The following SF1 variants were observed in gnomAD, a reference collection of about 807,000 sequenced individuals.
SF1 encodes the protein splicing factor 1, also known as branch point-binding protein.
In SF1, 7 loss-of-function variants were observed where a neutral mutation model predicts 62.5. The ratio of observed to expected loss-of-function variants is 0.11; its 90% CI spans 0.06 to 0.21. The LOEUF (loss-of-function observed/expected upper bound fraction) is 0.21. Among genes scored for constraint, SF1 ranks in the 10% least tolerant of loss-of-function variants. The pLI is 1.00. For missense variants in SF1, 578 were observed against 884.0 expected (o/e 0.65, Z 4.39); for synonymous variants, 394 against 323.6 (o/e 1.22, Z -2.33).
At chr11:64,774,662 A>G (rs1938865872) in intron 2 of SF1, among the ~76,000 whole-genome samples, 2 of 152,172 alleles carry the variant, frequency 1.3e-5, no homozygotes, top group Non-Finnish European at 2.9e-5. Flanking sequence ...ACCCATTATT[A>G]TCGAAAGAAA....
chr11:64,767,487 G>C, intron 10 of SF1, 84 bp downstream of exon 10: 1 of 1,387,592 alleles, frequency 7.2e-7, no homozygotes, highest in South Asian at 1.4e-5. Context: ...AGCCACTTGA[G>C]AGCTGCTTCT....
chr11:64,767,838 T>G lies in SF1; in HGVS notation c.1075A>C (p.Met359Leu). 6.8e-6 allele frequency: 11 copies of G among 1,610,956 alleles called. No individual in the cohort carries two copies. Among genetic ancestry groups the G allele is most frequent in the African/African-American group, 1.3e-5 (1 of 74,828 alleles). ...PANNPPPPSL[M>L]STTQSRPPWM... The stretch of plus-strand genomic sequence containing the variant: ...GGTGGGCGGCTCTGGGTGGTAGACA[T>G]GAGAGACTACGTGAGAGCATTTCCT... The change falls in exon 10 of 13, where the codon ATG (methionine) becomes CTG (leucine). Residue 359 changes from methionine (M) to leucine (L), a missense_variant. Physicochemically the swap from Met to Leu is conservative, Grantham distance 15 (BLOSUM62 2). This residue lies in a region of SF1 where 410 missense variants were observed against 452.4 expected (regional missense o/e 0.91). Coordinates refer to ENST00000377390, the MANE Select transcript of SF1 (RefSeq NM_004630.4).
intron 4 of SF1, 88 bp downstream of exon 4, chr11:64,770,168 G>A (rs965670594): frequency 1.3e-6 from 2 of 1,560,880 alleles, no homozygotes; most frequent in Non-Finnish European, 1.8e-6. Context: ...GAGGCAAGAG[G>A]TGAGTAGTAC....
intron 5 of SF1, 128 bp downstream of exon 5, chr11:64,769,836 T>C: frequency 1.2e-6 from 1 of 807,972 alleles, no homozygotes; most frequent in East Asian, 2.6e-5. Context: ...AAGGCATTAA[T>C]TCAGCCAAAA....
Position 64,768,099 on chromosome 11 carries a change from G to A in SF1, c.1068+7C>T. On this transcript the variant is annotated splice_region_variant and intron_variant, in intron 9 of 12. Coordinates refer to ENST00000377390, the MANE Select transcript of SF1 (RefSeq NM_004630.4). ...GCCAGACCAAGAGAGCCAGCCCCCA[G>A]GCTCACCGGTGGAGGTGGGTTGTTG... 2 of 1,605,816 alleles carry A rather than the reference G, an allele frequency of 1.2e-6. No homozygotes were observed. The highest frequency in any genetic ancestry group is 1.7e-6 in the Non-Finnish European group (2 of 1,175,972).
chr11:64,765,582 A>C lies in SF1; in HGVS notation c.*236T>G, dbSNP rs1376424226. On this transcript the variant is annotated 3_prime_UTR_variant, in exon 13 of 13. Transcript: ENST00000377390. ...TGAGGAGAGAAAGAAGACAAAGAAG[A>C]CACTCGATGCTACGGGGCGCCAGGA... is the stretch of plus-strand genomic sequence containing the variant. 1 of 1,541,852 alleles carries C rather than the reference A, an allele frequency of 6.5e-7. No individual in the cohort carries two copies. Among genetic ancestry groups the C allele is most frequent in the Non-Finnish European group, 8.7e-7 (1 of 1,149,222 alleles).
At position 64,766,942 on chromosome 11, in the gene SF1, T is replaced by C. The variant is rs759143573; in HGVS notation, c.1540A>G (p.Ser514Gly). ...QQQPPPPPPP[S>G]SSMASSTPLP... ...GGGGTACTGGAAGCCATACTGCTGCTGGGCGGAGGGGGTGGCGGAGGCTGC... is the reference window on the plus strand; with the variant it reads ...GGGGTACTGGAAGCCATACTGCTGCCGGGCGGAGGGGGTGGCGGAGGCTGC... Residue 514 changes from serine to glycine, a missense_variant, in exon 12 of 13, where the codon AGC becomes GGC. Around this residue, in one of 7 missense-constraint regions of SF1, gnomAD observed 410 missense variants for 452.4 expected, o/e 0.91. Coordinates refer to ENST00000377390, the MANE Select transcript of SF1 (RefSeq NM_004630.4). 4 of 1,435,374 alleles carry C rather than the reference T, an allele frequency of 2.8e-6. No individual in the cohort carries two copies. Among genetic ancestry groups the C allele is most frequent in the Non-Finnish European group, 3.7e-6 (4 of 1,086,490 alleles). 88.9% of individuals were successfully genotyped at this position (1,435,374 alleles called of 1,614,324 possible). A position where few individuals can be genotyped will look rare whatever the true frequency, so the allele number is the denominator to read the frequency against.
chr11:64,766,464 G>C (rs987198227), intron 12 of SF1: 2 of 483,776 alleles, frequency 4.1e-6, no homozygotes, highest in Non-Finnish European at 7.3e-6. Flanking sequence ...CGCCACCACC[G>C]AACGGCACAT....
intron 12 of SF1, 34 bp from the exon 13 acceptor site, chr11:64,766,189 C>CG: frequency 1.9e-6 from 3 of 1,577,526 alleles, no homozygotes; most frequent in Non-Finnish European, 2.6e-6. Flanking sequence ...GTCACACGCG[C>CG]GGGGGCACAC....
At position 64,766,143 on chromosome 11, in the gene SF1, G is replaced by A. The variant is rs1592441862; in HGVS notation, c.1595C>T (p.Thr532Ile). 1.2e-6 allele frequency: 2 copies of A among 1,605,738 alleles called. No individual in the cohort carries two copies. Among genetic ancestry groups the A allele is most frequent in the Non-Finnish European group, 1.7e-6 (2 of 1,179,682 alleles). The change falls in exon 13 of 13, where the codon ACC becomes ATC. Residue 532 changes from threonine (T) to isoleucine (I), a missense_variant. Transcript: ENST00000377390. ...PLPWQQNTTTTTTSAGTGSIP... is the reference protein window; with the variant it reads ...PLPWQQNTTTITTSAGTGSIP... ...GGACCCTGTGCCAGCGCTCGTGGTGGTAGTCGTCGTATCTGGGGTGGTAAA... is the reference window on the plus strand; with the variant it reads ...GGACCCTGTGCCAGCGCTCGTGGTGATAGTCGTCGTATCTGGGGTGGTAAA...
chr11:64,771,177 G>A (rs532984017), intron 3 of SF1, among the ~76,000 whole-genome samples: 1 of 152,348 alleles, frequency 6.6e-6, no homozygotes, highest in South Asian at 2.1e-4. Flanking sequence ...TTCTCCACCA[G>A]AGTTTACAAG....
In SF1 at chr11:64,776,595, G is replaced by C; in HGVS notation, c.63C>G (p.Arg21=). The C allele has an allele frequency of 1.9e-6, 3 of 1,595,032 alleles. No individual in the cohort carries two copies. Among genetic ancestry groups the C allele is most frequent in the Non-Finnish European group, 2.6e-6 (3 of 1,174,014 alleles). ...TCTGTTCCATTGTGTCTTGGTTCCA[G>C]CGGCTCCTCTTCCGCTTCTTACTTG... ...DFPSKKRKRS[R]WNQDTMEQKT... Residue 21 remains arginine, a synonymous_variant, in exon 2 of 13, where the codon CGC becomes CGG. Coordinates refer to ENST00000377390, the MANE Select transcript of SF1 (RefSeq NM_004630.4).
intron 10 of SF1, 33 bp downstream of exon 10, chr11:64,767,538 G>A: frequency 6.6e-7 from 1 of 1,521,862 alleles, no homozygotes; most frequent in Non-Finnish European, 8.8e-7. Context: ...TTATCCCAAA[G>A]CCCCCAAGGT....
In SF1 at chr11:64,765,249, CAGA is replaced by C. The variant is rs930629361; in HGVS notation, c.*566_*568del. The C allele has an allele frequency of 4.1e-6, 2 of 488,310 alleles. No homozygotes were observed. 30.2% of individuals were successfully genotyped at this position (488,310 alleles called of 1,614,324 possible). On this transcript the variant is annotated 3_prime_UTR_variant, in exon 13 of 13. Coordinates refer to ENST00000377390, the MANE Select transcript of SF1 (RefSeq NM_004630.4). ...GAAGGGAAAGGAATCTAAATTGCAG[CAGA>C]AGACCGGGGAGAGCATCTCCTTGGA...
In SF1 at chr11:64,766,020, A is replaced by G. The variant is rs1413320917; in HGVS notation, c.1718T>C (p.Val573Ala). 2 of 1,594,752 alleles carry G rather than the reference A, an allele frequency of 1.3e-6. No individual in the cohort carries two copies. The highest frequency in any genetic ancestry group is 2.8e-5 in the African/African-American group (2 of 70,584). Residue 573 changes from valine to alanine, a missense_variant, in exon 13 of 13, where the codon GTC becomes GCC. Coordinates refer to ENST00000377390, the MANE Select transcript of SF1 (RefSeq NM_004630.4). The stretch of plus-strand genomic sequence containing the variant: ...GGCCCCAGGCGGCAGAGGCGGCTGG[A>G]CCCCGGGGGGCAGGGGCACCATAGT... Reference protein sequence around the residue: ...NPTMVPLPPGVQPPLPPGAPP... With the variant: ...NPTMVPLPPGAQPPLPPGAPP...
chr11:64,769,933 T>C (rs761150978), intron 5 of SF1, 31 bp downstream of exon 5: 2 of 1,506,510 alleles, frequency 1.3e-6, no homozygotes, highest in South Asian at 2.3e-5. Flanking sequence ...TCTAAAGGAA[T>C]TCTATATCCT....
Position 64,766,132 on chromosome 11 carries a change from C to T in SF1, c.1606G>A (p.Ala536Thr). The T allele has an allele frequency of 2.5e-6, 4 of 1,607,898 alleles. No homozygotes were observed. The highest frequency in any genetic ancestry group is 3.4e-6 in the Non-Finnish European group (4 of 1,179,722). The change falls in exon 13 of 13, where the codon GCT becomes ACT. Residue 536 changes from alanine to threonine, a missense_variant. Ala to Thr is a moderately conservative substitution (Grantham distance 58). Transcript: ENST00000377390. ...QQNTTTTTTS[A>T]GTGSIPPWQQ... ...CATGGCGGGATGGACCCTGTGCCAG[C>T]GCTCGTGGTGGTAGTCGTCGTATCT...
At position 64,769,095 on chromosome 11, in the gene SF1, T is replaced by C. The variant is rs1592471146; in HGVS notation, c.814A>G (p.Ser272Gly). 14 of 1,614,060 alleles carry C rather than the reference T, an allele frequency of 8.7e-6. No individual in the cohort carries two copies. Among genetic ancestry groups the C allele is most frequent in the Admixed American group, 1.7e-5 (1 of 60,008 alleles). ...LRPWQSSETRSITNTTVCTKC... is the reference protein window; with the variant it reads ...LRPWQSSETRGITNTTVCTKC... ...GTACACACTGTGGTGTTGGTAATGC[T>C]GCGGGTCTCTGAGCTCTGCCAGGGT... is the stretch of plus-strand genomic sequence containing the variant. Residue 272 changes from serine to glycine, a missense_variant, in exon 8 of 13, where the codon AGC (serine) becomes GGC (glycine). This residue lies in a region of SF1 where 45 missense variants were observed against 97.8 expected (regional missense o/e 0.46). Coordinates refer to ENST00000377390, the MANE Select transcript of SF1 (RefSeq NM_004630.4).
intron 3 of SF1, among the ~76,000 whole-genome samples, chr11:64,771,311 G>A (rs1184691498): frequency 6.6e-6 from 1 of 152,170 alleles, no homozygotes; most frequent in Non-Finnish European, 1.5e-5. Flanking sequence ...ATAAAAAAGA[G>A]AGGTTACACT....
Sources: allele counts gnomAD v4.1 joint callset (sites outside exome capture counted in the v4.1 genomes callset), GRCh38; gene constraint gnomAD v4.1.1; regional missense constraint gnomAD v4.1.1; transcripts MANE v1.5; gene names NCBI Gene and HGNC (gene_info 2026-07-23, HGNC 2026-07-21).